Variants in JMJD1C observed in about 807,000 individuals in gnomAD.
JMJD1C encodes the protein jumonji domain-containing protein 1C.
Under a neutral mutation model 245.3 loss-of-function variants are expected in JMJD1C, and 31 were observed. The observed-to-expected ratio is 0.13, with a 90% CI of 0.09 to 0.17. The LOEUF (loss-of-function observed/expected upper bound fraction) is 0.17. Ranked by LOEUF, JMJD1C falls within the 10% of genes least tolerant of loss-of-function variation. The pLI is 1.00. For missense variants in JMJD1C, 2,691 were observed against 3,000.2 expected (o/e 0.90, Z 2.41); for synonymous variants, 1,057 against 1,017.4 (o/e 1.04, Z -0.74).
chr10:63,223,210 A>G lies in JMJD1C; in HGVS notation c.448-3227T>C, dbSNP rs185550896. 8.1e-4 allele frequency among the ~76,000 whole-genome samples: 118 copies of G among 145,068 alleles called. 1 individual carries two copies. Among genetic ancestry groups the G allele is most frequent in the African/African-American group, 2.9e-3 (116 of 39,498 alleles). ...CCTTTTCCATAATATAGGGAATTAT[A>G]AACTGTTTTTTCTGTGCTGTTTTTT... On this transcript the variant is annotated intron_variant, in intron 3 of 25. Transcript: ENST00000399262.
At chr10:63,261,458 G>C (rs1854739888) in intron 3 of JMJD1C, among the ~76,000 whole-genome samples, 1 of 152,078 alleles carries the variant, frequency 6.6e-6, no homozygotes, top group Non-Finnish European at 1.5e-5. Flanking sequence ...GTGCACACCT[G>C]TAATCCCAGT....
chr10:63,416,449 A>G (rs927188235), intron 1 of JMJD1C, among the ~76,000 whole-genome samples: 4 of 152,078 alleles, frequency 2.6e-5, no homozygotes, highest in Non-Finnish European at 4.4e-5. Context: ...TGTATTCTTA[A>G]TATTTTAGAG....
At chr10:63,174,584 A>G (rs138152586) in intron 24 of JMJD1C, among the ~76,000 whole-genome samples, 96 of 152,338 alleles carry the variant, frequency 6.3e-4, no homozygotes, top group African/African-American at 2.1e-3. Flanking sequence ...CTGTAATCCC[A>G]GCACTTTGGG....
intron 2 of JMJD1C, among the ~76,000 whole-genome samples, chr10:63,269,875 T>C (rs757659658): frequency 2.6e-5 from 4 of 152,212 alleles, no homozygotes; most frequent in African/African-American, 9.7e-5. Flanking sequence ...TTCTGCTGTC[T>C]GATGTTGTCC....
intron 17 of JMJD1C, among the ~76,000 whole-genome samples, chr10:63,190,351 G>A (rs926379384): frequency 3.3e-5 from 5 of 151,902 alleles, no homozygotes; most frequent in South Asian, 4.2e-4. Flanking sequence ...TTACAGACAC[G>A]TGCCACCACA....
chr10:63,227,791 G>T (rs137927666), intron 3 of JMJD1C, among the ~76,000 whole-genome samples: 90 of 152,148 alleles, frequency 5.9e-4, no homozygotes, highest in African/African-American at 2.1e-3. Flanking sequence ...TACCAGTTTC[G>T]CCAGTCATAA....
intron 2 of JMJD1C, among the ~76,000 whole-genome samples, chr10:63,330,800 A>G (rs188810135): frequency 6.6e-6 from 1 of 152,290 alleles, no homozygotes; most frequent in Non-Finnish European, 1.5e-5. Flanking sequence ...GTATTTCTGA[A>G]ATTTGGCTTC....
intron 1 of JMJD1C, among the ~76,000 whole-genome samples, chr10:63,501,458 T>C (rs1159874698): frequency 6.6e-6 from 1 of 152,190 alleles, no homozygotes. Flanking sequence ...TATTATTCTG[T>C]CCACATTTTT....
At chr10:63,459,042 T>A (rs996501414) in intron 1 of JMJD1C, among the ~76,000 whole-genome samples, 1 of 152,144 alleles carries the variant, frequency 6.6e-6, no homozygotes, top group African/African-American at 2.4e-5. Flanking sequence ...ATTACGGTAG[T>A]TGATTATGGT....
chr10:63,229,734 CA>C (rs1400117871), intron 3 of JMJD1C, among the ~76,000 whole-genome samples: 2 of 151,934 alleles, frequency 1.3e-5, no homozygotes, highest in Admixed American at 6.6e-5. Context: ...ATTGTTGTAC[CA>C]GGGGAAAACA....
At chr10:63,516,100 G>C (rs946806978) in intron 1 of JMJD1C, among the ~76,000 whole-genome samples, 8 of 149,994 alleles carry the variant, frequency 5.3e-5, no homozygotes, top group African/African-American at 1.7e-4. Flanking sequence ...TTTTTCTTCA[G>C]TTTTTATTAA....
chr10:63,239,080 A>G (rs1430522739), intron 3 of JMJD1C, among the ~76,000 whole-genome samples: 3 of 152,242 alleles, frequency 2.0e-5, no homozygotes, highest in Admixed American at 6.5e-5. Context: ...GAGACTCAAG[A>G]AAAGTATGAA....
At chr10:63,229,428 CA>C (rs908805982) in intron 3 of JMJD1C, among the ~76,000 whole-genome samples, 4 of 151,576 alleles carry the variant, frequency 2.6e-5, no homozygotes, top group Non-Finnish European at 5.9e-5. Context: ...AAAAAACAAA[CA>C]AAAAAACAGA....
intron 3 of JMJD1C, among the ~76,000 whole-genome samples, chr10:63,245,382 G>C (rs1182438681): frequency 6.6e-6 from 1 of 151,434 alleles, no homozygotes; most frequent in Non-Finnish European, 1.5e-5. Context: ...CACATGGCTA[G>C]GGAGGCCTCA....
At chr10:63,414,248 A>C (rs1472777613) in intron 1 of JMJD1C, among the ~76,000 whole-genome samples, 5 of 152,128 alleles carry the variant, frequency 3.3e-5, no homozygotes, top group Non-Finnish European at 7.4e-5. Flanking sequence ...GGCCTCCCAA[A>C]GTGCTGGGAT....
At chr10:63,279,757 AAATT>A (rs771253196) in intron 2 of JMJD1C, among the ~76,000 whole-genome samples, 6 of 152,238 alleles carry the variant, frequency 3.9e-5, no homozygotes, top group African/African-American at 4.8e-5. Context: ...CCCTGCCTCT[AAATT>A]AATTAATTAA....
chr10:63,194,195 C>A, intron 14 of JMJD1C, 91 bp downstream of exon 14: 1 of 816,608 alleles, frequency 1.2e-6, no homozygotes, highest in Non-Finnish European at 2.2e-6. Context: ...AATCTCTCTC[C>A]ACCCTGTTAT....
At chr10:63,427,665 G>A in intron 1 of JMJD1C, 1 of 1,308,884 alleles carries the variant, frequency 7.6e-7, no homozygotes, top group Non-Finnish European at 1.1e-6. Context: ...ACAGTGGCTG[G>A]ACCGAAATCC....
chr10:63,362,164 G>A (rs1945422653), intron 2 of JMJD1C, among the ~76,000 whole-genome samples: 1 of 151,644 alleles, frequency 6.6e-6, no homozygotes, highest in African/African-American at 2.4e-5. Flanking sequence ...GAACCTGGGA[G>A]GCGGAGGCTA....
Sources: allele counts gnomAD v4.1 joint callset (sites outside exome capture counted in the v4.1 genomes callset), GRCh38; gene constraint gnomAD v4.1.1; transcripts MANE v1.5; gene names NCBI Gene and HGNC (gene_info 2026-07-23, HGNC 2026-07-21).